Variants in UBAP2 observed in about 807,000 individuals in gnomAD.
The protein encoded by UBAP2 is ubiquitin associated protein 2.
A neutral mutation model predicts 139.6 loss-of-function variants in UBAP2; 75 were observed. The observed-to-expected ratio is 0.54, with a 90% CI of 0.45 to 0.65. UBAP2 has a LOEUF of 0.65. Among genes scored for constraint, UBAP2 ranks in the 30% least tolerant of loss-of-function variants. The pLI, the probability that UBAP2 is intolerant of heterozygous loss-of-function variation, is 0.00. For missense variants in UBAP2, 1,368 were observed against 1,369.6 expected, an observed-to-expected ratio of 1.00 and a Z score of 0.02; for synonymous variants, 526 against 526.2, an observed-to-expected ratio of 1.00 and a Z score of 0.01.
At chr9:34,036,804 CTCT>C (rs1296342275) in intron 1 of UBAP2, among the ~76,000 whole-genome samples, 10 of 137,836 alleles carry the variant, frequency 7.3e-5, no homozygotes, top group East Asian at 2.1e-4. Context: ...TTAAGTTTTT[CTCT>C]TTTTTTTTTT....
intron 4 of UBAP2, among the ~76,000 whole-genome samples, chr9:33,992,557 T>C (rs1821803964): frequency 6.9e-6 from 1 of 144,036 alleles, no homozygotes; most frequent in Non-Finnish European, 1.5e-5. Flanking sequence ...AAGACTCCCA[T>C]CTCAAAAAAA....
chr9:34,044,111 A>T (rs945276002), intron 1 of UBAP2, among the ~76,000 whole-genome samples: 1 of 150,244 alleles, frequency 6.7e-6, no homozygotes, highest in Non-Finnish European at 1.5e-5. Context: ...AAAAAAAAAA[A>T]AATTAGCCGG....
intron 8 of UBAP2, among the ~76,000 whole-genome samples, chr9:33,969,783 T>A (rs1827768377): frequency 6.6e-6 from 1 of 151,360 alleles, no homozygotes; most frequent in Non-Finnish European, 1.5e-5. Flanking sequence ...AGAGAATCGC[T>A]TGAACCTGGG....
chr9:33,939,751 GGGGGA>G, intron 16 of UBAP2, among the ~76,000 whole-genome samples: 1 of 77,294 alleles, frequency 1.3e-5, no homozygotes, highest in African/African-American at 5.5e-5. Context: ...AGGGAGAAGG[GGGGGA>G]GGGGGAGGGG....
At chr9:34,000,824 G>A (rs1367948807) in intron 2 of UBAP2, among the ~76,000 whole-genome samples, 1 of 152,142 alleles carries the variant, frequency 6.6e-6, no homozygotes, top group Non-Finnish European at 1.5e-5. Flanking sequence ...CAAACTCCAG[G>A]TGCTTTGGCC....
rs59971755 is a variant in UBAP2 at position 34,046,643 on chromosome 9, CAAAAAAAAAAAAAA to C, written c.-42+2168_-42+2181del. On this transcript the variant is annotated intron_variant, in intron 1 of 28. Transcript: ENST00000379238. ...TGGGCGACAGAACAAGACTCCATCT[CAAAAAAAAAAAAAA>C]AAAAAAAAAAAAAAAGAAGGCTTCA... 1.7e-3 allele frequency among the ~76,000 whole-genome samples: 205 copies of C among 122,294 alleles called. 4 individuals carry two copies. The highest frequency in any genetic ancestry group is 4.0e-3 in the Middle Eastern group (1 of 250). 80.2% of individuals were successfully genotyped at this position (122,294 alleles called of 152,430 possible). A position where few individuals can be genotyped will look rare whatever the true frequency, so the allele number is the denominator to read the frequency against.
chr9:34,011,887 T>G (rs941292679), intron 2 of UBAP2, among the ~76,000 whole-genome samples: 2 of 152,154 alleles, frequency 1.3e-5, no homozygotes, highest in Non-Finnish European at 2.9e-5. Flanking sequence ...GTGGAAAATG[T>G]GAAATTTTTC....
At chr9:33,974,680 G>A (rs757613229) in intron 6 of UBAP2, among the ~76,000 whole-genome samples, 23 of 152,134 alleles carry the variant, frequency 1.5e-4, no homozygotes, top group Non-Finnish European at 2.6e-4. Context: ...GGCCAGGCCC[G>A]GTGGCTCATG....
intron 17 of UBAP2, chr9:33,934,104 A>G: frequency 6.0e-6 from 1 of 165,990 alleles, no homozygotes; most frequent in Non-Finnish European, 1.3e-5. Flanking sequence ...CGGCCAACGT[A>G]AGGCAGATTG....
At chr9:34,032,677 A>G (rs983630434) in intron 1 of UBAP2, among the ~76,000 whole-genome samples, 1 of 152,046 alleles carries the variant, frequency 6.6e-6, no homozygotes, top group Non-Finnish European at 1.5e-5. Context: ...TAATTCCAGC[A>G]CTTTGGGAGG....
chr9:33,946,998 T>C (rs752638114), intron 13 of UBAP2, among the ~76,000 whole-genome samples: 1 of 152,168 alleles, frequency 6.6e-6, no homozygotes, highest in African/African-American at 2.4e-5. Context: ...CTATTAAGAG[T>C]GGCTCACTGT....
rs981674291 is a variant in UBAP2 at position 33,922,086 on chromosome 9, G to A, written c.*418C>T. ...AAGAAAACAATTTCCAAAGGAGTGA[G>A]ACAAGTCGTGATTCTTCATTGGTAC... On this transcript the variant is annotated 3_prime_UTR_variant, in exon 29 of 29. Transcript: ENST00000379238. 1.2e-5 allele frequency: 2 copies of A among 168,240 alleles called. No homozygotes were observed. Among genetic ancestry groups the A allele is most frequent in the African/African-American group, 4.8e-5 (2 of 41,858 alleles). 10.4% of individuals were successfully genotyped at this position (168,240 alleles called of 1,614,324 possible). A position where few individuals can be genotyped will look rare whatever the true frequency, so the allele number is the denominator to read the frequency against.
intron 3 of UBAP2, 63 bp from the exon 4 acceptor site, chr9:33,996,396 C>A (rs1236950873): frequency 6.3e-5 from 67 of 1,057,980 alleles, no homozygotes; most frequent in Non-Finnish European, 9.7e-5. Context: ...TATTAAGATT[C>A]TTCTATACAA....
chr9:33,930,252 G>A (rs1417365067), intron 19 of UBAP2, among the ~76,000 whole-genome samples: 1 of 152,044 alleles, frequency 6.6e-6, no homozygotes, highest in Non-Finnish European at 1.5e-5. Context: ...TCACTATGCG[G>A]GGCAATCTGC....
intron 2 of UBAP2, among the ~76,000 whole-genome samples, chr9:34,006,730 C>T (rs1823255113): frequency 6.6e-6 from 1 of 151,886 alleles, no homozygotes; most frequent in South Asian, 2.1e-4. Context: ...CACTTAGAGC[C>T]AACAAAACTG....
In UBAP2 at chr9:33,941,694, G is replaced by A. The variant is rs1469167151; in HGVS notation, c.1884C>T (p.Tyr628=). The A allele has an allele frequency of 6.2e-7, 1 of 1,614,122 alleles. No homozygotes were observed. The highest frequency in any genetic ancestry group is 8.5e-7 in the Non-Finnish European group (1 of 1,180,024). The part of the protein sequence containing the change: ...DQSSVHNRIP[Y]QSPVSSSESA... ...ACTCTGATGAACTCACAGGGCTTTG[G>A]TATGGGATCCTGTTATGCACAGAAC... The change falls in exon 16 of 29, where the codon TAC becomes TAT. Residue 628 remains tyrosine (Y), a synonymous_variant. Coordinates refer to ENST00000379238, the MANE Select transcript of UBAP2 (RefSeq NM_001370062.2).
In UBAP2 at chr9:33,939,938, GAAGA is replaced by G. The variant is rs553193610; in HGVS notation, c.1929+1707_1929+1710del. Among the ~76,000 whole-genome samples, 127 of 96,694 alleles carry G rather than the reference GAAGA, an allele frequency of 1.3e-3. 5 individuals carry two copies. In the Admixed American group the frequency reaches 0.014, roughly 10 times the overall value. The allele number at this position is 96,694 out of a possible 152,430, so 63.4% of individuals were successfully genotyped here. The stretch of plus-strand genomic sequence containing the variant: ...AGGAGAAGAAGAGGAGAAGGAAGAA[GAAGA>G]AAGAGGGAAGGAAGGAAGAAGAAGA... On this transcript the variant is annotated intron_variant, in intron 16 of 28. Coordinates refer to ENST00000379238, the MANE Select transcript of UBAP2 (RefSeq NM_001370062.2).
At chr9:33,935,168 G>A (rs979180981) in intron 17 of UBAP2, among the ~76,000 whole-genome samples, 1 of 144,966 alleles carries the variant, frequency 6.9e-6, no homozygotes, top group African/African-American at 2.5e-5. Flanking sequence ...AGTGGCGGGG[G>A]GGGGGGGTCT....
intron 19 of UBAP2, among the ~76,000 whole-genome samples, chr9:33,932,014 C>A (rs996393739): frequency 6.6e-6 from 1 of 152,192 alleles, no homozygotes; most frequent in Non-Finnish European, 1.5e-5. Flanking sequence ...CCACCACAAT[C>A]TGGCTGACTC....
Sources: allele counts gnomAD v4.1 joint callset (sites outside exome capture counted in the v4.1 genomes callset), GRCh38; gene constraint gnomAD v4.1.1; transcripts MANE v1.5; gene names NCBI Gene and HGNC (gene_info 2026-07-23, HGNC 2026-07-21).